Variants in CSMD3 observed in about 807,000 individuals in gnomAD.
CSMD3 encodes CUB and sushi domain-containing protein 3.
Under a neutral mutation model 435.2 loss-of-function variants are expected in CSMD3, and 177 were observed. The observed-to-expected ratio is 0.41, with a 90% CI of 0.36 to 0.46. The LOEUF (loss-of-function observed/expected upper bound fraction) is 0.46. Among genes scored for constraint, CSMD3 ranks in the 20% least tolerant of loss-of-function variants. CSMD3 has a pLI of 0.34. For synonymous variants in CSMD3, 1,656 were observed against 1,520.5 expected (o/e 1.09, Z -2.07); for missense variants, 4,265 against 4,504.6 (o/e 0.95, Z 1.52).
At position 112,506,720 on chromosome 8, in the gene CSMD3, T is replaced by C. The variant is rs1442036277; in HGVS notation, c.4866A>G (p.Ala1622=). 1 of 1,613,708 alleles carries C rather than the reference T, an allele frequency of 6.2e-7. No individual in the cohort carries two copies. The highest frequency in any genetic ancestry group is 1.7e-5 in the Admixed American group (1 of 60,006). The change falls in exon 29 of 71, where the codon GCA becomes GCG. Residue 1622 remains alanine, a synonymous_variant. Transcript: ENST00000297405. ...RDCDWTITVN[A]DYVISLAFIS... is the part of the protein sequence containing the mutation. ...TGAACGCCAAGGAGATAACATAGTC[T>C]GCATTGACGGTGATAGTCCAGTCAC...
rs562646896 is a variant in CSMD3 at position 112,534,272 on chromosome 8, A to G, written c.4564+16399T>C. On this transcript the variant is annotated intron_variant, in intron 27 of 70. Coordinates refer to ENST00000297405, the MANE Select transcript of CSMD3 (RefSeq NM_198123.2). Reference sequence around the variant, plus strand: ...AAAGGATCAACAAAATTGATAGACCACTAGCAAGACTAATAAAGAAGAAAA... The same window carrying G: ...AAAGGATCAACAAAATTGATAGACCGCTAGCAAGACTAATAAAGAAGAAAA... Among the ~76,000 whole-genome samples the G allele has an allele frequency of 2.4e-3, 359 of 152,228 alleles. 3 individuals carry two copies. Among genetic ancestry groups the G allele is most frequent in the African/African-American group, 7.9e-3 (327 of 41,574 alleles).
chr8:112,747,511 G>A (rs1049888752), intron 13 of CSMD3, among the ~76,000 whole-genome samples: 7 of 152,134 alleles, frequency 4.6e-5, no homozygotes, highest in African/African-American at 1.7e-4. Context: ...AGTAATGGGA[G>A]TGATGGTGGT....
chr8:112,326,468 T>C (rs896490321), intron 45 of CSMD3, among the ~76,000 whole-genome samples: 5 of 152,128 alleles, frequency 3.3e-5, no homozygotes, highest in African/African-American at 2.4e-5. Flanking sequence ...ATCTGTAAAA[T>C]AGACATAAAG....
chr8:113,346,737 G>A (rs1038130754), intron 1 of CSMD3, among the ~76,000 whole-genome samples: 1 of 151,904 alleles, frequency 6.6e-6, no homozygotes, highest in Non-Finnish European at 1.5e-5. Context: ...TAATCACAAA[G>A]CATTAAAATT....
intron 1 of CSMD3, among the ~76,000 whole-genome samples, chr8:113,336,538 ATTGTAT>A (rs2094076531): frequency 6.6e-6 from 1 of 152,110 alleles, no homozygotes; most frequent in African/African-American, 2.4e-5. Flanking sequence ...GGAACTCTGG[ATTGTAT>A]TACATTTTCA....
chr8:112,810,937 TACC>T (rs1202827702), intron 12 of CSMD3, among the ~76,000 whole-genome samples: 1 of 152,096 alleles, frequency 6.6e-6, no homozygotes, highest in East Asian at 1.9e-4. Flanking sequence ...GCAATGTAGA[TACC>T]ACAACAGTTT....
intron 3 of CSMD3, among the ~76,000 whole-genome samples, chr8:113,273,264 G>T (rs2093543899): frequency 1.3e-5 from 2 of 151,506 alleles, no homozygotes; most frequent in South Asian, 4.2e-4. Context: ...AGTTTCCTTT[G>T]TCTAACGCTA....
At position 113,128,271 on chromosome 8, in the gene CSMD3, A is replaced by T. The variant is rs542516993; in HGVS notation, c.710-29308T>A. 3.3e-5 allele frequency among the ~76,000 whole-genome samples: 5 copies of T among 152,190 alleles called. No individual in the cohort carries two copies. In the South Asian group the frequency reaches 1.0e-3, roughly 32 times the overall value. The stretch of plus-strand genomic sequence containing the variant: ...AACATGTTTTTGAATGAGTGAATGA[A>T]TTAATGAAAAGAGGAAGGAAAAGAG... On this transcript the variant is annotated intron_variant, in intron 4 of 70. Coordinates refer to ENST00000297405, the MANE Select transcript of CSMD3 (RefSeq NM_198123.2).
At chr8:112,451,718 A>G (rs995740372) in intron 32 of CSMD3, among the ~76,000 whole-genome samples, 14 of 152,040 alleles carry the variant, frequency 9.2e-5, no homozygotes, top group African/African-American at 3.4e-4. Flanking sequence ...TTGTACATTT[A>G]GTAGAGACGG....
intron 38 of CSMD3, among the ~76,000 whole-genome samples, chr8:112,377,945 A>G (rs1181180351): frequency 2.0e-5 from 3 of 152,178 alleles, no homozygotes; most frequent in Non-Finnish European, 4.4e-5. Context: ...AACAAGGTAA[A>G]GATATCCACT....
chr8:112,414,318 T>C (rs1025008232), intron 32 of CSMD3, among the ~76,000 whole-genome samples: 1 of 152,092 alleles, frequency 6.6e-6, no homozygotes, highest in Non-Finnish European at 1.5e-5. Flanking sequence ...CCTTTGTTGT[T>C]CTCATGATAG....
intron 35 of CSMD3, among the ~76,000 whole-genome samples, chr8:112,394,349 A>C (rs139717464): frequency 6.6e-6 from 1 of 151,708 alleles, no homozygotes; most frequent in Non-Finnish European, 1.5e-5. Context: ...CTAATCAGTC[A>C]TATTGGTTCT....
intron 13 of CSMD3, among the ~76,000 whole-genome samples, chr8:112,700,026 T>A (rs1233681648): frequency 6.6e-6 from 1 of 152,102 alleles, no homozygotes; most frequent in Non-Finnish European, 1.5e-5. Context: ...TTGGAAGTGT[T>A]TTATTTATGT....
chr8:112,812,607 C>T (rs936002031), intron 12 of CSMD3, among the ~76,000 whole-genome samples: 1 of 152,162 alleles, frequency 6.6e-6, no homozygotes, highest in African/African-American at 2.4e-5. Context: ...CTGCTTTATG[C>T]CTCTCTGTTG....
chr8:112,922,520 C>T (rs1271671034), intron 9 of CSMD3, among the ~76,000 whole-genome samples: 1 of 151,928 alleles, frequency 6.6e-6, no homozygotes, highest in East Asian at 1.9e-4. Context: ...TAGCCGCCCC[C>T]ACATCCCCCA....
intron 41 of CSMD3, 29 bp from the exon 42 acceptor site, chr8:112,341,715 T>C (rs1563813523): frequency 7.4e-7 from 1 of 1,344,660 alleles, no homozygotes; most frequent in Non-Finnish European, 1.1e-6. Flanking sequence ...AGAATGCTAC[T>C]TTATTTGCTT....
intron 10 of CSMD3, among the ~76,000 whole-genome samples, chr8:112,883,137 T>A (rs1208983344): frequency 6.6e-6 from 1 of 151,970 alleles, no homozygotes; most frequent in Admixed American, 6.6e-5. Flanking sequence ...TGTTCACACA[T>A]ATCTGAACCC....
intron 32 of CSMD3, among the ~76,000 whole-genome samples, chr8:112,456,457 C>T (rs1816851168): frequency 6.6e-6 from 1 of 151,942 alleles, no homozygotes; most frequent in Non-Finnish European, 1.5e-5. Flanking sequence ...ATTAAGAAAA[C>T]ATAAATGTGC....
intron 24 of CSMD3, among the ~76,000 whole-genome samples, chr8:112,559,052 A>G (rs954478875): frequency 6.6e-6 from 1 of 151,900 alleles, no homozygotes; most frequent in Non-Finnish European, 1.5e-5. Context: ...ATGTAGAGAT[A>G]ATATTTCTGT....
Sources: gnomAD v4.1 joint callset for allele counts (sites outside exome capture counted in the v4.1 genomes callset) on GRCh38, gnomAD v4.1.1 for gene constraint, MANE v1.5 for transcripts, NCBI Gene and HGNC (gene_info 2026-07-23, HGNC 2026-07-21) for gene names.